The following KCNK18 variants were observed in gnomAD, a reference collection of about 807,000 sequenced individuals.
KCNK18 encodes potassium channel subfamily K member 18.
KCNK18 carries 8 observed loss-of-function variants against 11.8 expected under a neutral mutation model. That is an observed-to-expected ratio of 0.68 (90% CI 0.40 to 1.22). The LOEUF is 1.22. Ranked by LOEUF, KCNK18 falls within the 50% of genes most tolerant of loss-of-function variation. The pLI, the probability that KCNK18 is intolerant of heterozygous loss-of-function variation, is 0.01. For missense variants in KCNK18, 442 were observed against 465.4 expected, an observed-to-expected ratio of 0.95 and a Z score of 0.46; for synonymous variants, 208 against 185.8, an observed-to-expected ratio of 1.12 and a Z score of -0.97.
Position 117,209,810 on chromosome 10 carries a change from CTG to C in KCNK18, c.667_668del (p.Cys223GlnfsTer6). On this transcript the variant is annotated frameshift_variant, in exon 3 of 3. Coordinates refer to ENST00000334549, the MANE Select transcript of KCNK18 (RefSeq NM_181840.1). LOFTEE classifies it low-confidence loss of function (END_TRUNC). ...TTGGCACATGTCCTTCACGCCCAAG[CTG>C]CAGCATGGAGCTGTTTGAGAGATCT... ...KLGTCPSRPS[C>X]SMELFERSHA... 6.2e-7 allele frequency: 1 copy of C among 1,614,204 alleles called. No homozygotes were observed. The highest frequency in any genetic ancestry group is 8.5e-7 in the Non-Finnish European group (1 of 1,180,046).
rs149451689 is a variant in KCNK18 at position 117,197,539 on chromosome 10, G to A, written c.51G>A (p.Leu17=). ...CCAGGAGATGCTGCCCAGAGGCCCT[G>A]GGAAAGCTCTTCCCTGGCCTCTGCT... The part of the protein sequence containing the change: ...PQARRCCPEA[L]GKLFPGLCFL... The change falls in exon 1 of 3, where the codon CTG becomes CTA. Residue 17 remains leucine (L), a synonymous_variant. Coordinates refer to ENST00000334549, the MANE Select transcript of KCNK18 (RefSeq NM_181840.1). The A allele has an allele frequency of 2.8e-4, 451 of 1,614,150 alleles. 2 individuals carry two copies. In the African/African-American group the frequency reaches 4.7e-3, roughly 17 times the overall value.
Position 117,199,722 on chromosome 10 carries a change from C to A in KCNK18, c.224-1437C>A, listed in dbSNP as rs1398641060. Among the ~76,000 whole-genome samples, 3 of 152,224 alleles carry A rather than the reference C, an allele frequency of 2.0e-5. No individual in the cohort carries two copies. The South Asian group carries it at 6.2e-4, about 31-fold the overall frequency. On this transcript the variant is annotated intron_variant, in intron 1 of 2. Transcript: ENST00000334549. ...GAGGCTCAGAAAGCAGCCTCTTGTC[C>A]ACAGTTACAGAACTTATCAGGGTTA...
chr10:117,204,913 A>T (rs1318183093), intron 2 of KCNK18, among the ~76,000 whole-genome samples: 1 of 152,242 alleles, frequency 6.6e-6, no homozygotes, highest in Admixed American at 6.5e-5. Flanking sequence ...GAAATGCATT[A>T]GCTTGGCTTA....
At chr10:117,208,454 A>T (rs192039867) in intron 2 of KCNK18, among the ~76,000 whole-genome samples, 2 of 152,192 alleles carry the variant, frequency 1.3e-5, no homozygotes, top group African/African-American at 4.8e-5. Flanking sequence ...GATAAAAAAA[A>T]CCTGAAAATA....
intron 2 of KCNK18, among the ~76,000 whole-genome samples, chr10:117,202,885 GCTTTTTTT>G (rs1353760059): frequency 1.8e-5 from 2 of 111,294 alleles, no homozygotes; most frequent in Non-Finnish European, 3.5e-5. Context: ...TTGCCTGAAT[GCTTTTTTT>G]TTTTTTTTTT....
intron 1 of KCNK18, among the ~76,000 whole-genome samples, chr10:117,199,230 G>T (rs1854985911): frequency 6.6e-6 from 1 of 152,224 alleles, no homozygotes; most frequent in African/African-American, 2.4e-5. Flanking sequence ...TGAGGCAGGA[G>T]GATTGCTTGA....
intron 1 of KCNK18, among the ~76,000 whole-genome samples, chr10:117,200,095 C>T (rs976581027): frequency 1.3e-5 from 2 of 152,004 alleles, no homozygotes; most frequent in Non-Finnish European, 2.9e-5. Flanking sequence ...TTTTATTTTT[C>T]TAGATGGAGA....
chr10:117,198,544 G>A (rs1327103856), intron 1 of KCNK18, among the ~76,000 whole-genome samples: 12 of 152,200 alleles, frequency 7.9e-5, no homozygotes, highest in Admixed American at 7.2e-4. Context: ...CTACTCTGCT[G>A]TGTTCCTCGA....
Position 117,210,043 on chromosome 10 carries a change from T to A in KCNK18, c.899T>A (p.Ile300Asn). ...VFAYISCAAAILPFWETQLDF... is the reference protein window; with the variant it reads ...VFAYISCAAANLPFWETQLDF... Reference sequence around the variant, plus strand: ...GCCTACATTTCCTGTGCAGCTGCCATCCTCCCCTTCTGGGAGACACAGTTG... The same window carrying A: ...GCCTACATTTCCTGTGCAGCTGCCAACCTCCCCTTCTGGGAGACACAGTTG... Residue 300 changes from isoleucine to asparagine, a missense_variant, in exon 3 of 3, where the codon ATC (isoleucine) becomes AAC (asparagine). By Grantham distance (149) the Ile-to-Asn change is moderately radical. Coordinates refer to ENST00000334549, the MANE Select transcript of KCNK18 (RefSeq NM_181840.1). The A allele has an allele frequency of 6.2e-7, 1 of 1,614,202 alleles. No individual in the cohort carries two copies. The highest frequency in any genetic ancestry group is 8.5e-7 in the Non-Finnish European group (1 of 1,180,038).
chr10:117,203,179 G>T (rs1448499243), intron 2 of KCNK18, among the ~76,000 whole-genome samples: 1 of 152,088 alleles, frequency 6.6e-6, no homozygotes, highest in Admixed American at 6.6e-5. Context: ...GCCTGGCCTT[G>T]TTCACCTGAA....
intron 2 of KCNK18, among the ~76,000 whole-genome samples, chr10:117,208,454 A>C (rs192039867): frequency 3.9e-5 from 6 of 152,310 alleles, no homozygotes; most frequent in Admixed American, 6.5e-5. Flanking sequence ...GATAAAAAAA[A>C]CCTGAAAATA....
intron 2 of KCNK18, among the ~76,000 whole-genome samples, chr10:117,205,489 C>G (rs1564991195): frequency 1.3e-5 from 2 of 152,126 alleles, no homozygotes; most frequent in Non-Finnish European, 2.9e-5. Context: ...CCACCTTTGC[C>G]AAAGACAGCA....
chr10:117,202,473 A>G (rs1383995276), intron 2 of KCNK18, among the ~76,000 whole-genome samples: 2 of 152,232 alleles, frequency 1.3e-5, no homozygotes, highest in Admixed American at 1.3e-4. Context: ...CCCAGTGCCC[A>G]TTCGCAGTCA....
intron 1 of KCNK18, among the ~76,000 whole-genome samples, chr10:117,200,023 G>A (rs866989872): frequency 2.1e-4 from 32 of 152,342 alleles, no homozygotes; most frequent in Middle Eastern, 3.4e-3. Context: ...ACACTCACAG[G>A]TAGCTGGTGC....
In KCNK18 at chr10:117,201,167, G is replaced by T. The variant is rs778162039; in HGVS notation, c.232G>T (p.Asp78Tyr). The T allele has an allele frequency of 1.9e-6, 3 of 1,614,094 alleles. No individual in the cohort carries two copies. The highest frequency in any genetic ancestry group is 4.5e-5 in the East Asian group (2 of 44,896). Residue 78 changes from aspartate (D) to tyrosine (Y), a missense_variant, in exon 2 of 3, where the codon GAC (aspartate) becomes TAC (tyrosine). Coordinates refer to ENST00000334549, the MANE Select transcript of KCNK18 (RefSeq NM_181840.1). ...ILNCSETVVE[D>Y]RKQDLQGHLQ... is the part of the protein sequence containing the mutation. ...GTCATGTCTTTCTCCAGTGGTGGAA[G>T]ACAGAAAACAGGATCTCCAGGGGCA...
chr10:117,203,455 G>A (rs1375329656), intron 2 of KCNK18, among the ~76,000 whole-genome samples: 1 of 152,166 alleles, frequency 6.6e-6, no homozygotes, highest in Non-Finnish European at 1.5e-5. Flanking sequence ...ATGCTTTGAG[G>A]AAACAATAGG....
At chr10:117,200,180 C>A (rs909821149) in intron 1 of KCNK18, among the ~76,000 whole-genome samples, 2 of 152,172 alleles carry the variant, frequency 1.3e-5, no homozygotes, top group African/African-American at 2.4e-5. Flanking sequence ...CAGGTTCAAG[C>A]AATTCTCCTG....
chr10:117,204,592 G>A (rs1211620795), intron 2 of KCNK18, among the ~76,000 whole-genome samples: 1 of 152,150 alleles, frequency 6.6e-6, no homozygotes, highest in Non-Finnish European at 1.5e-5. Context: ...CGACATCACT[G>A]GGGAACTTGA....
chr10:117,198,620 A>G lies in KCNK18; in HGVS notation c.223+909A>G, dbSNP rs185650094. ...AGGGAGAGTAGATAAATGAAAAACAAAGGAAAACCAGACACTAAAAGTCAG... is the reference window on the plus strand; with the variant it reads ...AGGGAGAGTAGATAAATGAAAAACAGAGGAAAACCAGACACTAAAAGTCAG... On this transcript the variant is annotated intron_variant, in intron 1 of 2. Transcript: ENST00000334549. Among the ~76,000 whole-genome samples, 12 of 152,342 alleles carry G rather than the reference A, an allele frequency of 7.9e-5. No individual in the cohort carries two copies. In the East Asian group the frequency reaches 1.9e-3, roughly 25 times the overall value.
Sources: gnomAD v4.1 joint callset for allele counts (sites outside exome capture counted in the v4.1 genomes callset) on GRCh38, gnomAD v4.1.1 for gene constraint, MANE v1.5 for transcripts, NCBI Gene and HGNC (gene_info 2026-07-23, HGNC 2026-07-21) for gene names.